The following EXTL3 variants were observed in gnomAD, a reference collection of about 807,000 sequenced individuals.
The protein encoded by EXTL3 is exostosin-like 3.
In EXTL3, 27 loss-of-function variants were observed where a neutral mutation model predicts 69.3. The ratio of observed to expected loss-of-function variants is 0.39; its 90% CI spans 0.29 to 0.54. The LOEUF (loss-of-function observed/expected upper bound fraction) is 0.54. Ranked by LOEUF, EXTL3 falls within the 20% of genes least tolerant of loss-of-function variation. The pLI, the probability that EXTL3 is intolerant of heterozygous loss-of-function variation, is 0.69. For synonymous variants in EXTL3, 511 were observed against 499.4 expected (o/e 1.02, Z -0.31); for missense variants, 1,003 against 1,231.8 (o/e 0.81, Z 2.78).
intron 1 of EXTL3, among the ~76,000 whole-genome samples, chr8:28,691,001 G>A (rs1481131540): frequency 6.6e-6 from 1 of 152,134 alleles, no homozygotes; most frequent in African/African-American, 2.4e-5. Flanking sequence ...TTGGGGGGAA[G>A]TGTATGCCTT....
intron 1 of EXTL3, among the ~76,000 whole-genome samples, chr8:28,685,057 T>G (rs1807554472): frequency 7.6e-6 from 1 of 131,610 alleles, no homozygotes; most frequent in African/African-American, 2.8e-5. Flanking sequence ...GTTCAAGCGA[T>G]TCTCCTGCCT....
chr8:28,665,416 C>CTT (rs34069791), intron 1 of EXTL3, among the ~76,000 whole-genome samples: 75 of 115,372 alleles, frequency 6.5e-4, no homozygotes, highest in South Asian at 2.4e-3. Context: ...CACTTGTTTA[C>CTT]TTTTTTTTTT....
intron 1 of EXTL3, among the ~76,000 whole-genome samples, chr8:28,641,071 G>A (rs1214304260): frequency 6.6e-6 from 1 of 152,198 alleles, no homozygotes; most frequent in Non-Finnish European, 1.5e-5. Flanking sequence ...GTAGACGCCT[G>A]TGTATCCTCT....
chr8:28,658,111 C>T (rs544130490), intron 1 of EXTL3, among the ~76,000 whole-genome samples: 39 of 152,274 alleles, frequency 2.6e-4, no homozygotes, highest in Admixed American at 1.6e-3. Flanking sequence ...CAGGGCTGCC[C>T]GTGCAGAAGC....
At chr8:28,627,707 A>C (rs113874825) in intron 1 of EXTL3, among the ~76,000 whole-genome samples, 30 of 152,322 alleles carry the variant, frequency 2.0e-4, no homozygotes, top group African/African-American at 7.0e-4. Context: ...TGGACAGATG[A>C]ATGGATAAAC....
In EXTL3 at chr8:28,692,529, G is replaced by C. The variant is rs115962745; in HGVS notation, c.-52-20928G>C. ...ATATTTTTCTTTTGAAAATTCCTGT[G>C]GTGGAAACTACTGTTTCTTTCCATA... On this transcript the variant is annotated intron_variant, in intron 1 of 6. Coordinates refer to the EXTL3 transcript ENST00000523149. 6.6e-3 allele frequency among the ~76,000 whole-genome samples: 1,006 copies of C among 152,150 alleles called. 11 individuals are homozygous for C. The highest frequency in any genetic ancestry group is 0.023 in the African/African-American group (971 of 41,496).
Position 28,742,735 on chromosome 8 carries a change from T to C in EXTL3, c.2422-351T>C, listed in dbSNP as rs530161331. 4.9e-4 allele frequency: 149 copies of C among 301,078 alleles called. 2 individuals are homozygous for C. Among genetic ancestry groups the C allele is most frequent in the South Asian group, 4.6e-3 (144 of 31,642 alleles). The allele number at this position is 301,078 out of a possible 1,614,324, so 18.7% of individuals were successfully genotyped here. On this transcript the variant is annotated intron_variant, in intron 5 of 6. Transcript: ENST00000220562. ...AGGCTTTTTTCTCTCACTTATCTTTTTTTTTTTTTTTGGCCATTGTTAGAG... is the reference window on the plus strand; with the variant it reads ...AGGCTTTTTTCTCTCACTTATCTTTCTTTTTTTTTTTGGCCATTGTTAGAG...
chr8:28,727,867 C>T (rs1448102169), intron 3 of EXTL3, among the ~76,000 whole-genome samples: 1 of 152,206 alleles, frequency 6.6e-6, no homozygotes, highest in Admixed American at 6.5e-5. Flanking sequence ...GTGGTGTGTG[C>T]TGCTGGTCTT....
In EXTL3 at chr8:28,718,223, A is replaced by G. The variant is rs763628581; in HGVS notation, c.2148+16A>G. On this transcript the variant is annotated intron_variant, in intron 3 of 6. Transcript: ENST00000220562. ...CCCCATCATGGTAATAGAGAAACGAACAGTTCGTTTTGGTGCATGAAATAG... is the reference window on the plus strand; with the variant it reads ...CCCCATCATGGTAATAGAGAAACGAGCAGTTCGTTTTGGTGCATGAAATAG... 1 of 1,612,158 alleles carries G rather than the reference A, an allele frequency of 6.2e-7. No individual in the cohort carries two copies. The highest frequency in any genetic ancestry group is 8.5e-7 in the Non-Finnish European group (1 of 1,178,386).
At chr8:28,702,583 C>G (rs1800833767) in intron 1 of EXTL3, among the ~76,000 whole-genome samples, 1 of 149,866 alleles carries the variant, frequency 6.7e-6, no homozygotes, top group African/African-American at 2.5e-5. Context: ...CACCCCACCC[C>G]CGCCCTTCCC....
intron 3 of EXTL3, among the ~76,000 whole-genome samples, chr8:28,729,797 C>T (rs368335425): frequency 1.3e-5 from 2 of 150,008 alleles, no homozygotes; most frequent in African/African-American, 2.5e-5. Context: ...CTCAGGAGTT[C>T]GAGACGCCTG....
At chr8:28,673,586 A>G (rs1807333357) in intron 1 of EXTL3, among the ~76,000 whole-genome samples, 3 of 152,140 alleles carry the variant, frequency 2.0e-5, no homozygotes, top group Non-Finnish European at 2.9e-5. Flanking sequence ...TCTGGCTTAC[A>G]GAAAGGCTGG....
chr8:28,732,941 A>G (rs1801569980), intron 4 of EXTL3, among the ~76,000 whole-genome samples: 1 of 152,196 alleles, frequency 6.6e-6, no homozygotes, highest in Non-Finnish European at 1.5e-5. Flanking sequence ...CATGTTGCCC[A>G]GGCTGATCTT....
At chr8:28,672,417 C>A (rs972522275) in intron 1 of EXTL3, among the ~76,000 whole-genome samples, 3 of 1,880 alleles carry the variant, frequency 1.6e-3, no homozygotes, top group African/African-American at 4.6e-3. Context: ...GACTCCTTCT[C>A]GGGGTGGGGG....
chr8:28,646,292 G>A (rs1244405846), intron 1 of EXTL3, among the ~76,000 whole-genome samples: 1 of 152,136 alleles, frequency 6.6e-6, no homozygotes, highest in Non-Finnish European at 1.5e-5. Context: ...TTGTGAAAAG[G>A]AACACATTTC....
chr8:28,756,227 C>T (rs1340797801), downstream of EXTL3, among the ~76,000 whole-genome samples: 5 of 152,236 alleles, frequency 3.3e-5, no homozygotes, highest in Non-Finnish European at 7.3e-5. Flanking sequence ...AGAAAGTCCC[C>T]TCCTGCTCCT....
At chr8:28,698,698 C>T (rs1430548442), upstream of EXTL3, among the ~76,000 whole-genome samples, 2 of 151,672 alleles carry the variant, frequency 1.3e-5, no homozygotes, top group African/African-American at 2.4e-5. Context: ...AAAAACAAAA[C>T]AAAACAAAAA....
chr8:28,622,506 C>T (rs1806428230), upstream of EXTL3, among the ~76,000 whole-genome samples: 2 of 151,738 alleles, frequency 1.3e-5, no homozygotes, highest in Admixed American at 1.3e-4. Context: ...GGCCCGGGAG[C>T]CGGCGAGGGC....
At chr8:28,707,083 A>C (rs559606415) in intron 1 of EXTL3, among the ~76,000 whole-genome samples, 2 of 152,264 alleles carry the variant, frequency 1.3e-5, no homozygotes, top group South Asian at 4.1e-4. Context: ...TTTTTCCCAA[A>C]TAGATGTGTC....
Sources: allele counts gnomAD v4.1 joint callset (sites outside exome capture counted in the v4.1 genomes callset), GRCh38; gene constraint gnomAD v4.1.1; transcripts MANE v1.5; gene names NCBI Gene and HGNC (gene_info 2026-07-23, HGNC 2026-07-21).